NBN: variants seen among roughly 807,000 people sequenced by gnomAD.
NBN encodes Nijmegen breakage syndrome 1 (nibrin).
In NBN, 88 loss-of-function variants were observed where a neutral mutation model predicts 90.8. That is an observed-to-expected ratio of 0.97 (90% CI 0.82 to 1.16). The LOEUF is 1.16. NBN is among the 50% of genes most tolerant of loss of function. NBN has a pLI of 0.00. For missense variants in NBN, 894 were observed against 869.6 expected (o/e 1.03, Z -0.35); for synonymous variants, 328 against 295.1 (o/e 1.11, Z -1.14).
Position 89,982,711 on chromosome 8 carries a change from T to C in NBN, c.171+11A>G. On this transcript the variant is annotated intron_variant, in intron 2 of 15. Coordinates refer to ENST00000265433, the MANE Select transcript of NBN (RefSeq NM_002485.5). Reference sequence around the variant, plus strand: ...TTACTGGAAACTAGTGAAATAAAATTAGTAACATACCAGGTTGGTTACAGA... The same window carrying C: ...TTACTGGAAACTAGTGAAATAAAATCAGTAACATACCAGGTTGGTTACAGA... The C allele has an allele frequency of 1.2e-6, 2 of 1,609,828 alleles. No homozygotes were observed. Among genetic ancestry groups the C allele is most frequent in the Non-Finnish European group, 1.7e-6 (2 of 1,176,176 alleles).
intron 11 of NBN, among the ~76,000 whole-genome samples, chr8:89,951,920 G>A (rs1767342752): frequency 6.6e-6 from 1 of 152,206 alleles, no homozygotes; most frequent in Non-Finnish European, 1.5e-5. Flanking sequence ...TGAGGATAGA[G>A]AGTGGCTAAA....
chr8:89,948,639 TA>T (rs1810308551), intron 11 of NBN, among the ~76,000 whole-genome samples: 1 of 152,208 alleles, frequency 6.6e-6, no homozygotes, highest in Non-Finnish European at 1.5e-5. Context: ...AATACAGCAG[TA>T]AGTCTTAAAA....
intron 12 of NBN, among the ~76,000 whole-genome samples, chr8:89,947,400 C>T (rs1455292922): frequency 2.0e-5 from 3 of 152,060 alleles, no homozygotes; most frequent in South Asian, 2.1e-4. Flanking sequence ...GAGGCCAAGG[C>T]GGGCAGATCA....
At chr8:89,974,451 G>A (rs1315563743) in intron 5 of NBN, among the ~76,000 whole-genome samples, 1 of 152,036 alleles carries the variant, frequency 6.6e-6, no homozygotes, top group Non-Finnish European at 1.5e-5. Flanking sequence ...GATTATTTCA[G>A]GCCAATGTGT....
At chr8:89,938,236 G>C (rs1156760834) in intron 14 of NBN, among the ~76,000 whole-genome samples, 1 of 152,110 alleles carries the variant, frequency 6.6e-6, no homozygotes. Flanking sequence ...TAATGTTTTT[G>C]ATATTTCTTG....
At chr8:89,957,320 A>T (rs1390719863) in intron 9 of NBN, among the ~76,000 whole-genome samples, 1 of 152,240 alleles carries the variant, frequency 6.6e-6, no homozygotes, top group Admixed American at 6.5e-5. Flanking sequence ...AAGTTTAAAA[A>T]GTAAAACAAA....
chr8:89,936,420 T>C (rs754766131), intron 15 of NBN, among the ~76,000 whole-genome samples: 8 of 152,174 alleles, frequency 5.3e-5, no homozygotes, highest in Admixed American at 2.6e-4. Context: ...ATCAATCTAA[T>C]TGGCTGCAAA....
intron 14 of NBN, among the ~76,000 whole-genome samples, chr8:89,940,970 G>A (rs1365951653): frequency 1.3e-5 from 2 of 152,058 alleles, no homozygotes; most frequent in Non-Finnish European, 1.5e-5. Flanking sequence ...TAAGTAATTT[G>A]CCTAAGGTCA....
chr8:89,943,710 AT>A (rs1810057078), intron 13 of NBN, among the ~76,000 whole-genome samples: 2 of 152,172 alleles, frequency 1.3e-5, no homozygotes, highest in South Asian at 4.1e-4. Flanking sequence ...AAAGCACTGT[AT>A]TTTGTTCTAA....
chr8:89,959,847 AATGAGAATAATTATAAC>A (rs1810910613), intron 8 of NBN, among the ~76,000 whole-genome samples: 1 of 152,216 alleles, frequency 6.6e-6, no homozygotes, highest in Non-Finnish European at 1.5e-5. Context: ...TCATCTATAA[AATGAGAATAATTATAAC>A]ATCTGCCTCA....
intron 15 of NBN, among the ~76,000 whole-genome samples, chr8:89,936,378 G>A (rs1031057956): frequency 6.6e-6 from 1 of 151,914 alleles, no homozygotes; most frequent in African/African-American, 2.4e-5. Context: ...ATTTTTACCA[G>A]CAATTTATAC....
chr8:89,984,566 C>T lies in NBN; in HGVS notation c.-5G>A. 1 of 1,613,048 alleles carries T rather than the reference C, an allele frequency of 6.2e-7. No homozygotes were observed. Among genetic ancestry groups the T allele is most frequent in the Non-Finnish European group, 8.5e-7 (1 of 1,179,784 alleles). Reference sequence around the variant, plus strand: ...GGCGGGCAGCAGTTTCCACATCGGTCCGGCTCCTCAGGGCTGGGGCCGACG... The same window carrying T: ...GGCGGGCAGCAGTTTCCACATCGGTTCGGCTCCTCAGGGCTGGGGCCGACG... On this transcript the variant is annotated 5_prime_UTR_variant, in exon 1 of 16. Transcript: ENST00000265433.
chr8:89,955,757 C>T (rs759052739), intron 9 of NBN, among the ~76,000 whole-genome samples: 6 of 152,132 alleles, frequency 3.9e-5, no homozygotes, highest in Non-Finnish European at 7.4e-5. Context: ...ATACCTTACT[C>T]TTCTTCACCC....
In NBN at chr8:89,972,555, A is replaced by G. The variant is rs186744420; in HGVS notation, c.585-1265T>C. Among the ~76,000 whole-genome samples the G allele has an allele frequency of 7.0e-3, 1,062 of 152,368 alleles. 9 individuals are homozygous for G. Among genetic ancestry groups the G allele is most frequent in the Non-Finnish European group, 0.013 (893 of 68,020 alleles). On this transcript the variant is annotated intron_variant, in intron 5 of 15. Transcript: ENST00000265433. ...ACTGTTAACAAAAACTAAATCTACA[A>G]TAAGAGCACTGGAAAGTTAGTAGAC...
intron 13 of NBN, 110 bp downstream of exon 13, chr8:89,946,030 G>A: frequency 1.2e-6 from 1 of 818,250 alleles, no homozygotes; most frequent in East Asian, 2.5e-5. Context: ...ATTTTAAGCA[G>A]AAGAAGTATC....
intron 13 of NBN, among the ~76,000 whole-genome samples, chr8:89,944,866 C>T (rs754141627): frequency 6.6e-6 from 1 of 152,128 alleles, no homozygotes; most frequent in Non-Finnish European, 1.5e-5. Flanking sequence ...CAGGTGTGAG[C>T]GACCAGGCCC....
In NBN at chr8:89,958,849, T is replaced by TTCTTTC. The variant is rs1586066222; in HGVS notation, c.999_1000insGAAAGA (p.Leu333_Lys334insGluArg). 6.2e-7 allele frequency: 1 copy of TTCTTTC among 1,613,732 alleles called. No homozygotes were observed. Among genetic ancestry groups the TTCTTTC allele is most frequent in the Non-Finnish European group, 8.5e-7 (1 of 1,179,678 alleles). On this transcript the variant is annotated inframe_insertion, in exon 9 of 16. Coordinates refer to ENST00000265433, the MANE Select transcript of NBN (RefSeq NM_002485.5). ...AGGCTTGGTCCTGGAGTTGTTGTCTTTAATCCTGTAAATCACACAAGTAGA... is the reference window on the plus strand; with the variant it reads ...AGGCTTGGTCCTGGAGTTGTTGTCTTTCTTTCTAATCCTGTAAATCACACAAGTAGA...
intron 8 of NBN, among the ~76,000 whole-genome samples, chr8:89,959,902 C>A (rs770021694): frequency 5.1e-4 from 77 of 152,062 alleles, no homozygotes; most frequent in Admixed American, 4.9e-3. Flanking sequence ...TAAAATAGCC[C>A]CTAGAAAAAT....
intron 5 of NBN, among the ~76,000 whole-genome samples, chr8:89,976,834 A>G (rs1454208054): frequency 6.6e-6 from 1 of 152,200 alleles, no homozygotes; most frequent in Non-Finnish European, 1.5e-5. Flanking sequence ...GAGTCCAAAT[A>G]TATCACATTA....
Sources: gnomAD v4.1 joint callset for allele counts (sites outside exome capture counted in the v4.1 genomes callset) on GRCh38, gnomAD v4.1.1 for gene constraint, MANE v1.5 for transcripts, NCBI Gene and HGNC (gene_info 2026-07-23, HGNC 2026-07-21) for gene names.